IGSF6: variants seen among roughly 807,000 people sequenced by gnomAD.
The protein encoded by IGSF6 is immunoglobulin superfamily member 6, also known as down-regulated by activation (immunoglobulin superfamily).
Under a neutral mutation model 24.7 loss-of-function variants are expected in IGSF6, and 23 were observed. The observed-to-expected ratio is 0.93, with a 90% CI of 0.67 to 1.32. IGSF6 has a LOEUF of 1.32. IGSF6 is among the 40% of genes most tolerant of loss of function. The pLI is 0.00. For missense variants in IGSF6, 295 were observed against 293.6 expected, an observed-to-expected ratio of 1.00 and a Z score of -0.04; for synonymous variants, 110 against 113.7, an observed-to-expected ratio of 0.97 and a Z score of 0.21.
intron 1 of IGSF6, among the ~76,000 whole-genome samples, chr16:21,647,837 C>T (rs1332720621): frequency 1.3e-5 from 2 of 152,138 alleles, no homozygotes; most frequent in South Asian, 2.1e-4. Flanking sequence ...AGCTTTCCTT[C>T]GATCCAATCA....
intron 3 of IGSF6, 60 bp from the exon 4 acceptor site, chr16:21,643,658 G>A: frequency 9.3e-7 from 1 of 1,070,590 alleles, no homozygotes; most frequent in Admixed American, 2.0e-5. Flanking sequence ...AATGGTGGCA[G>A]ATATCTCATG....
In IGSF6 at chr16:21,640,596, C is replaced by CAAAAAAAAAAA. The variant is rs368761095; in HGVS notation, c.*927_*937dup. ...TGAAACCCCGTCTCTACTAAAAATACAAAAAAAAAAAAAAAAAAAAATTAG... is the reference window on the plus strand; with the variant it reads ...TGAAACCCCGTCTCTACTAAAAATACAAAAAAAAAAAAAAAAAAAAAAAAAAAAAAAATTAG... On this transcript the variant is annotated 3_prime_UTR_variant, in exon 6 of 6. Coordinates refer to ENST00000268389, the MANE Select transcript of IGSF6 (RefSeq NM_005849.4). The CAAAAAAAAAAA allele has an allele frequency of 1.5e-5, 1 of 65,576 alleles. No individual in the cohort carries two copies. The highest frequency in any genetic ancestry group is 3.3e-5 in the Non-Finnish European group (1 of 30,442). The allele number at this position is 65,576 out of a possible 1,614,324, so 4.1% of individuals were successfully genotyped here.
chr16:21,641,450 A>G lies in IGSF6; in HGVS notation c.*84T>C. The G allele has an allele frequency of 4.6e-6, 3 of 652,130 alleles. No homozygotes were observed. Among genetic ancestry groups the G allele is most frequent in the Non-Finnish European group, 7.7e-6 (3 of 389,418 alleles). The allele number at this position is 652,130 out of a possible 1,614,324, so 40.4% of individuals were successfully genotyped here. ...TTTCAGTTTACCTTTATTTTTTTTTAAGACCTGATGATATATGTTCATTAA... is the reference window on the plus strand; with the variant it reads ...TTTCAGTTTACCTTTATTTTTTTTTGAGACCTGATGATATATGTTCATTAA... On this transcript the variant is annotated 3_prime_UTR_variant, in exon 6 of 6. Transcript: ENST00000268389.
intron 1 of IGSF6, among the ~76,000 whole-genome samples, chr16:21,650,011 G>A (rs1046207832): frequency 2.0e-5 from 3 of 152,150 alleles, no homozygotes; most frequent in Admixed American, 6.6e-5. Context: ...AGAGCCAGGC[G>A]TGGTGGTGTG....
At chr16:21,643,667 T>A (rs1352878757) in intron 3 of IGSF6, 69 bp from the exon 4 acceptor site, 2 of 1,005,914 alleles carry the variant, frequency 2.0e-6, no homozygotes, top group African/African-American at 3.3e-5. Flanking sequence ...AGATATCTCA[T>A]GCCCTAATAA....
intron 2 of IGSF6, among the ~76,000 whole-genome samples, chr16:21,645,319 C>G (rs901471406): frequency 6.6e-6 from 1 of 151,980 alleles, no homozygotes; most frequent in African/African-American, 2.4e-5. Flanking sequence ...TGGGCGTGGT[C>G]GCACATGCCT....
chr16:21,641,440 A>G lies in IGSF6; in HGVS notation c.*94T>C, dbSNP rs926447978. On this transcript the variant is annotated 3_prime_UTR_variant, in exon 6 of 6. Transcript: ENST00000268389. Reference sequence around the variant, plus strand: ...CCAGTTGTCTTTTCAGTTTACCTTTATTTTTTTTTAAGACCTGATGATATA... The same window carrying G: ...CCAGTTGTCTTTTCAGTTTACCTTTGTTTTTTTTTAAGACCTGATGATATA... The G allele has an allele frequency of 2.2e-5, 13 of 597,834 alleles. No homozygotes were observed. The highest frequency in any genetic ancestry group is 3.7e-5 in the Non-Finnish European group (13 of 353,842). 37.0% of individuals were successfully genotyped at this position (597,834 alleles called of 1,614,324 possible).
At chr16:21,649,595 C>T (rs1966516429) in intron 1 of IGSF6, among the ~76,000 whole-genome samples, 1 of 152,214 alleles carries the variant, frequency 6.6e-6, no homozygotes, top group African/African-American at 2.4e-5. Flanking sequence ...GGAATTGGGT[C>T]TGCCAAAACT....
At chr16:21,647,000 G>T (rs555533300) in intron 2 of IGSF6, 133 bp downstream of exon 2, 2 of 1,208,182 alleles carry the variant, frequency 1.7e-6, no homozygotes, top group Non-Finnish European at 1.2e-6. Context: ...CTTGTGTTCA[G>T]ATCACACCCA....
chr16:21,643,329 A>G (rs1429441754), intron 4 of IGSF6, among the ~76,000 whole-genome samples, 175 bp from the exon 5 acceptor site: 1 of 152,206 alleles, frequency 6.6e-6, no homozygotes, highest in Non-Finnish European at 1.5e-5. Context: ...AATATAATTT[A>G]TGGTTGAGAA....
intron 1 of IGSF6, chr16:21,652,289 G>A: frequency 5.3e-6 from 2 of 380,066 alleles, no homozygotes; most frequent in South Asian, 1.4e-4. Flanking sequence ...TCAACCCTTT[G>A]GTCAGATTGT....
chr16:21,649,633 C>T (rs1966517386), intron 1 of IGSF6, among the ~76,000 whole-genome samples: 1 of 152,196 alleles, frequency 6.6e-6, no homozygotes, highest in South Asian at 2.1e-4. Flanking sequence ...GTCTCAGTCT[C>T]AAGTCATCTT....
intron 1 of IGSF6, 81 bp downstream of exon 1, chr16:21,652,451 G>A: frequency 9.4e-7 from 1 of 1,066,914 alleles, no homozygotes; most frequent in Non-Finnish European, 1.4e-6. Flanking sequence ...TAATCTGAAG[G>A]AGCTTAAAAT....
At chr16:21,643,215 C>T in intron 4 of IGSF6, 61 bp from the exon 5 acceptor site, 1 of 1,284,316 alleles carries the variant, frequency 7.8e-7, no homozygotes, top group South Asian at 1.2e-5. Flanking sequence ...GATAACGACG[C>T]ATCATCAGAA....
chr16:21,643,478 A>T, intron 4 of IGSF6, 70 bp downstream of exon 4: 4 of 1,016,948 alleles, frequency 3.9e-6, no homozygotes, highest in Non-Finnish European at 5.9e-6. Flanking sequence ...AAAGCTAAAA[A>T]ATATTTCAGT....
chr16:21,650,087 G>C (rs1966528206), intron 1 of IGSF6, among the ~76,000 whole-genome samples: 1 of 152,158 alleles, frequency 6.6e-6, no homozygotes, highest in African/African-American at 2.4e-5. Context: ...ATTCCAGGCT[G>C]CAGTGAGCTG....
At chr16:21,648,999 T>G (rs1245228132) in intron 1 of IGSF6, among the ~76,000 whole-genome samples, 1 of 152,124 alleles carries the variant, frequency 6.6e-6, no homozygotes, top group Non-Finnish European at 1.5e-5. Context: ...TGTTTTCATT[T>G]TTGTTATTGT....
intron 1 of IGSF6, among the ~76,000 whole-genome samples, chr16:21,651,687 G>A (rs1052580568): frequency 3.4e-4 from 51 of 151,972 alleles, no homozygotes; most frequent in African/African-American, 1.2e-3. Flanking sequence ...ACATGGCTTC[G>A]ACCCAATCTT....
intron 2 of IGSF6, chr16:21,646,890 A>C: frequency 4.0e-6 from 2 of 495,466 alleles, no homozygotes; most frequent in Admixed American, 3.1e-5. Context: ...TCCTGACCTC[A>C]AGTGATTCGT....
Sources: allele counts gnomAD v4.1 joint callset (sites outside exome capture counted in the v4.1 genomes callset), GRCh38; gene constraint gnomAD v4.1.1; transcripts MANE v1.5; gene names NCBI Gene and HGNC (gene_info 2026-07-23, HGNC 2026-07-21).